Variants in GRIN2A observed in about 807,000 individuals in gnomAD.
GRIN2A encodes glutamate ionotropic receptor NMDA type subunit 2A, also known as glutamate receptor ionotropic, NMDA 2A.
In GRIN2A, 22 loss-of-function variants were observed where a neutral mutation model predicts 113.4. The ratio of observed to expected loss-of-function variants is 0.19; its 90% confidence interval spans 0.14 to 0.28. GRIN2A has a LOEUF of 0.28. GRIN2A is among the 10% of genes least tolerant of loss of function. The pLI is 1.00. For missense variants in GRIN2A, 1,502 were observed against 1,887.0 expected (o/e 0.80, Z 3.78); for synonymous variants, 827 against 738.4 (o/e 1.12, Z -1.94).
At chr16:10,169,310 T>C (rs190528624) in intron 2 of GRIN2A, among the ~76,000 whole-genome samples, 1 of 152,332 alleles carries the variant, frequency 6.6e-6, no homozygotes, top group Admixed American at 6.5e-5. Context: ...TTAGTGTTGC[T>C]GGAGACATCA....
intron 2 of GRIN2A, among the ~76,000 whole-genome samples, chr16:10,136,812 C>T (rs1183699421): frequency 6.6e-6 from 1 of 152,178 alleles, no homozygotes; most frequent in Admixed American, 6.6e-5. Context: ...TTCGTTTTAT[C>T]ATTATTATGA....
chr16:10,118,304 T>A lies in GRIN2A; in HGVS notation c.414+61694A>T, dbSNP rs1458150169. Among the ~76,000 whole-genome samples, 3 of 152,158 alleles carry A rather than the reference T, an allele frequency of 2.0e-5. No individual in the cohort carries two copies. The South Asian group carries it at 6.2e-4, about 32-fold the overall frequency. ...TTTGGCTTCAGGTTCTCATTTAGAC[T>A]CCTGTCACTTATATCTCTGGCTAAT... On this transcript the variant is annotated intron_variant, in intron 2 of 12. Transcript: ENST00000330684.
At position 9,937,949 on chromosome 16, in the gene GRIN2A, C is replaced by T; in HGVS notation, c.1007+10G>A. 1 of 1,597,482 alleles carries T rather than the reference C, an allele frequency of 6.3e-7. No individual in the cohort carries two copies. The highest frequency in any genetic ancestry group is 8.6e-7 in the Non-Finnish European group (1 of 1,165,158). The stretch of plus-strand genomic sequence containing the variant: ...GATCCCACTTTGGGAGACAACAAGC[C>T]CTTTCTTACGGGTGCAAGGTGTGCA... On this transcript the variant is annotated intron_variant, in intron 3 of 12. Transcript: ENST00000330684.
At chr16:9,814,389 T>C (rs2042147390) in intron 10 of GRIN2A, among the ~76,000 whole-genome samples, 1 of 152,152 alleles carries the variant, frequency 6.6e-6, no homozygotes, top group Non-Finnish European at 1.5e-5. Context: ...AAAAGGGATA[T>C]TAATGGTACC....
At chr16:9,920,267 G>A (rs1257908246) in intron 3 of GRIN2A, among the ~76,000 whole-genome samples, 1 of 152,212 alleles carries the variant, frequency 6.6e-6, no homozygotes, top group Non-Finnish European at 1.5e-5. Context: ...ACGAATGAAA[G>A]AATTCCAGGA....
At chr16:9,851,982 C>G (rs930729594) in intron 4 of GRIN2A, among the ~76,000 whole-genome samples, 4 of 152,180 alleles carry the variant, frequency 2.6e-5, no homozygotes, top group African/African-American at 7.2e-5. Flanking sequence ...TCCTGCTTTC[C>G]CTAGTAATAT....
intron 4 of GRIN2A, among the ~76,000 whole-genome samples, chr16:9,872,359 A>T (rs1001783671): frequency 4.6e-5 from 7 of 152,304 alleles, no homozygotes; most frequent in Admixed American, 3.9e-4. Flanking sequence ...TTTCCTGACC[A>T]TGATGCTGTT....
intron 3 of GRIN2A, among the ~76,000 whole-genome samples, chr16:9,918,948 A>G (rs2044307842): frequency 6.6e-6 from 1 of 151,912 alleles, no homozygotes. Flanking sequence ...CAAAACGGGC[A>G]GATTACTTGT....
chr16:9,875,140 G>A (rs2043339407), intron 4 of GRIN2A, among the ~76,000 whole-genome samples: 1 of 151,852 alleles, frequency 6.6e-6, no homozygotes, highest in Non-Finnish European at 1.5e-5. Flanking sequence ...GGGACTACAG[G>A]TGGCTCCTCA....
intron 10 of GRIN2A, chr16:9,805,432 G>T (rs973343674): frequency 6.6e-6 from 1 of 152,134 alleles, no homozygotes; most frequent in African/African-American, 2.4e-5. Flanking sequence ...GTGTGTTACT[G>T]AAAATTAAAA....
intron 11 of GRIN2A, among the ~76,000 whole-genome samples, chr16:9,789,206 A>G (rs1211285602): frequency 6.6e-6 from 1 of 152,248 alleles, no homozygotes; most frequent in African/African-American, 2.4e-5. Flanking sequence ...CTTCATTTTC[A>G]AAACCAGGCA....
chr16:10,091,469 C>T (rs62033426), intron 2 of GRIN2A, among the ~76,000 whole-genome samples: 4,607 of 72,350 alleles, frequency 0.064, 91 homozygotes, highest in Admixed American at 0.091. Context: ...CACACACACA[C>T]ACACACACAC....
At chr16:10,081,078 G>C (rs2047969518) in intron 2 of GRIN2A, among the ~76,000 whole-genome samples, 1 of 152,178 alleles carries the variant, frequency 6.6e-6, no homozygotes, top group South Asian at 2.1e-4. Flanking sequence ...GCAGAAGAGA[G>C]TGACATGCCA....
intron 2 of GRIN2A, chr16:10,112,614 G>A: frequency 5.2e-6 from 4 of 770,840 alleles, no homozygotes; most frequent in South Asian, 2.7e-5. Flanking sequence ...GAAGTACTGG[G>A]GCATGGGCTC....
chr16:10,068,487 C>T (rs1489255647), intron 2 of GRIN2A, among the ~76,000 whole-genome samples: 2 of 152,296 alleles, frequency 1.3e-5, no homozygotes, highest in South Asian at 2.1e-4. Flanking sequence ...AAGTGCTATA[C>T]ACTTTTAAAT....
intron 2 of GRIN2A, among the ~76,000 whole-genome samples, chr16:10,123,587 C>A (rs1017613119): frequency 1.3e-5 from 2 of 152,050 alleles, no homozygotes; most frequent in Non-Finnish European, 2.9e-5. Context: ...TCTTCTCAAA[C>A]TTTAACATGC....
At chr16:9,881,449 G>A (rs892609570) in intron 4 of GRIN2A, among the ~76,000 whole-genome samples, 1 of 152,226 alleles carries the variant, frequency 6.6e-6, no homozygotes, top group Non-Finnish European at 1.5e-5. Context: ...ATGGGCATGA[G>A]AATCACTAGG....
chr16:9,865,763 G>C (rs904461803), intron 4 of GRIN2A, among the ~76,000 whole-genome samples: 1 of 152,072 alleles, frequency 6.6e-6, no homozygotes, highest in African/African-American at 2.4e-5. Flanking sequence ...CTAAACCTGG[G>C]GTCAGCATAC....
intron 2 of GRIN2A, among the ~76,000 whole-genome samples, chr16:10,017,501 G>A (rs1204046996): frequency 1.3e-5 from 2 of 152,122 alleles, no homozygotes; most frequent in African/African-American, 4.8e-5. Context: ...CTTATTTCGA[G>A]CTATGTTAAT....
Sources: allele counts gnomAD v4.1 joint callset (sites outside exome capture counted in the v4.1 genomes callset), GRCh38; gene constraint gnomAD v4.1.1; transcripts MANE v1.5; gene names NCBI Gene and HGNC (gene_info 2026-07-23, HGNC 2026-07-21).